The following CFAP157 variants were observed in gnomAD, a reference collection of about 807,000 sequenced individuals.
CFAP157 encodes cilia- and flagella-associated protein 157.
A neutral mutation model predicts 57.8 loss-of-function variants in CFAP157; 43 were observed. The ratio of observed to expected loss-of-function variants is 0.74; its 90% confidence interval spans 0.58 to 0.96. CFAP157 has a LOEUF of 0.96. Ranked by LOEUF, CFAP157 falls within the 40% of genes least tolerant of loss-of-function variation. The pLI is 0.00. For synonymous variants in CFAP157, 267 were observed against 269.0 expected (o/e 0.99, Z 0.07); for missense variants, 606 against 655.3 (o/e 0.92, Z 0.82).
chr9:127,712,187 G>A lies in CFAP157; in HGVS notation c.987-12G>A, dbSNP rs1206724096. 3 of 1,613,618 alleles carry A rather than the reference G, an allele frequency of 1.9e-6. No homozygotes were observed. In the African/African-American group the frequency reaches 4.0e-5, roughly 22 times the overall value. On this transcript the variant is annotated splice_polypyrimidine_tract_variant and intron_variant, in intron 5 of 8. Transcript: ENST00000373295. ...GGGGGAAGGCTGTTGACTCATCCCA[G>A]TTGGGGTCCAGGAGCCAGAGAGACC...
At chr9:127,707,235 A>G (rs1168258939) in intron 1 of CFAP157, 43 bp downstream of exon 1, 2 of 1,594,830 alleles carry the variant, frequency 1.3e-6, no homozygotes, top group Admixed American at 3.4e-5. Flanking sequence ...CTGGGTCAGA[A>G]GCCCATGCCC....
rs79537388 is a variant in CFAP157, at chr9:127,713,033, C to T, written c.1318C>T (p.Gln440Ter). The part of the protein sequence containing the change: ...GPPKESRPSI[Q>*]LPRTGSLLPQ... ...CCCTCCCCACAGCCGGCCCAGCATC[C>T]AGCTGCCCAGGACTGGGTCTCTGCT... Residue 440 changes from glutamine to a stop codon, truncating the protein, a stop_gained, in exon 8 of 9, where the codon CAG becomes TAG. Coordinates refer to ENST00000373295, the MANE Select transcript of CFAP157 (RefSeq NM_001012502.3). LOFTEE classifies it high-confidence loss of function. 1,274 of 1,613,446 alleles carry T rather than the reference C, an allele frequency of 7.9e-4. 6 individuals carry two copies. The African/African-American group carries it at 0.014, about 18-fold the overall frequency.
chr9:127,715,649 A>AG lies in CFAP157; in HGVS notation c.*1744_*1745insG. On this transcript the variant is annotated 3_prime_UTR_variant, in exon 9 of 9. Transcript: ENST00000373295. This position sits in a 1 kb window ranked among gnomAD's most constrained non-coding sequence, Gnocchi z 5.8. ...AGCCGCCCGGCCTCATGCTGCCCCC[A>AG]TTCACTCCGACACCGCCCCCTGACG... is the stretch of plus-strand genomic sequence containing the variant. 2 of 1,609,986 alleles carry AG rather than the reference A, an allele frequency of 1.2e-6. No individual in the cohort carries two copies. Among genetic ancestry groups the AG allele is most frequent in the Non-Finnish European group, 1.7e-6 (2 of 1,179,380 alleles).
intron 3 of CFAP157, 73 bp downstream of exon 3, chr9:127,710,827 G>A: frequency 2.7e-6 from 4 of 1,503,990 alleles, no homozygotes; most frequent in Non-Finnish European, 3.6e-6. Context: ...TAGTCTTCAG[G>A]CCTCAGCTTC....
chr9:127,712,386 G>T (rs756556736), intron 6 of CFAP157, 37 bp downstream of exon 6: 56 of 1,609,542 alleles, frequency 3.5e-5, no homozygotes, highest in Non-Finnish European at 4.8e-5. Context: ...GCAAGGGGAG[G>T]GGGAGTGAGC....
Position 127,714,101 on chromosome 9 carries a change from C to A in CFAP157, c.*196C>A. ...GGCAGGCAGCCATGGCCACTAGTGT[C>A]ACGGCCCCAGTGAGGGCCCCTGGCT... On this transcript the variant is annotated 3_prime_UTR_variant, in exon 9 of 9. Coordinates refer to ENST00000373295, the MANE Select transcript of CFAP157 (RefSeq NM_001012502.3). The A allele has an allele frequency of 6.2e-7, 1 of 1,612,088 alleles. No homozygotes were observed. The highest frequency in any genetic ancestry group is 1.1e-5 in the South Asian group (1 of 90,836).
intron 5 of CFAP157, 110 bp from the exon 6 acceptor site, chr9:127,712,089 G>C: frequency 1.3e-6 from 2 of 1,514,628 alleles, no homozygotes; most frequent in South Asian, 2.5e-5. Flanking sequence ...GGCTTGGGGC[G>C]GGATGGGGGC....
chr9:127,710,197 C>T (rs962453048), intron 2 of CFAP157, among the ~76,000 whole-genome samples: 1 of 151,596 alleles, frequency 6.6e-6, no homozygotes, highest in Admixed American at 6.6e-5. Context: ...ATCTCTTGAG[C>T]CTGGGAGGCT....
chr9:127,712,537 CT>C, intron 6 of CFAP157, 171 bp from the exon 7 acceptor site: 1 of 1,510,054 alleles, frequency 6.6e-7, no homozygotes, highest in Non-Finnish European at 8.9e-7. Flanking sequence ...AGCTGGATTC[CT>C]TCTCTGAGGC....
intron 1 of CFAP157, among the ~76,000 whole-genome samples, 164 bp downstream of exon 1, chr9:127,707,356 T>A (rs1362495901): frequency 6.6e-6 from 1 of 152,328 alleles, no homozygotes. Context: ...TACGTACCTT[T>A]GGGAGGTTTC....
Position 127,715,402 on chromosome 9 carries a change from A to T in CFAP157, c.*1497A>T. 3 of 1,345,110 alleles carry T rather than the reference A, an allele frequency of 2.2e-6. No individual in the cohort carries two copies. The highest frequency in any genetic ancestry group is 3.1e-6 in the Non-Finnish European group (3 of 967,578). The allele number at this position is 1,345,110 out of a possible 1,614,324, so 83.3% of individuals were successfully genotyped here. A position where few individuals can be genotyped will look rare whatever the true frequency, so the allele number is the denominator to read the frequency against. ...GCCCTAGTGCAGGAACGGAGCTTCA[A>T]GAAGTTTGGAGCCCGTCGAGCACTG... On this transcript the variant is annotated 3_prime_UTR_variant, in exon 9 of 9. Coordinates refer to ENST00000373295, the MANE Select transcript of CFAP157 (RefSeq NM_001012502.3). The surrounding 1 kb of genome is among the most constrained non-coding windows in gnomAD (Gnocchi z 5.8).
intron 7 of CFAP157, 72 bp downstream of exon 7, chr9:127,712,947 C>A: frequency 6.3e-7 from 1 of 1,589,794 alleles, no homozygotes; most frequent in Admixed American, 1.8e-5. Flanking sequence ...GCCATGGGGA[C>A]AGTGCTCGGC....
chr9:127,711,809 C>T lies in CFAP157; in HGVS notation c.856-11C>T, dbSNP rs1008619169. 8 of 1,555,270 alleles carry T rather than the reference C, an allele frequency of 5.1e-6. No homozygotes were observed. Among genetic ancestry groups the T allele is most frequent in the Admixed American group, 2.0e-5 (1 of 51,234 alleles). ...CAGGCTGAGGGCATGGCCACCTGTC[C>T]GCACCCGCAGATCATCCTCATGCTG... On this transcript the variant is annotated splice_polypyrimidine_tract_variant and intron_variant, in intron 4 of 8. Transcript: ENST00000373295.
intron 1 of CFAP157, among the ~76,000 whole-genome samples, chr9:127,707,462 C>G (rs749582882): frequency 1.2e-4 from 18 of 152,136 alleles, no homozygotes; most frequent in Non-Finnish European, 2.1e-4. Context: ...GCAATCCCCA[C>G]GTCCCCCTGC....
In CFAP157 at chr9:127,714,093, A is replaced by C. The variant is rs372888029; in HGVS notation, c.*188A>C. ...TACAGTCAGGCAGGCAGCCATGGCC[A>C]CTAGTGTCACGGCCCCAGTGAGGGC... On this transcript the variant is annotated 3_prime_UTR_variant, in exon 9 of 9. Transcript: ENST00000373295. 1.4e-5 allele frequency: 23 copies of C among 1,611,128 alleles called. No individual in the cohort carries two copies. In the South Asian group the frequency reaches 1.7e-4, roughly 12 times the overall value.
chr9:127,708,081 C>T (rs985281388), intron 1 of CFAP157, among the ~76,000 whole-genome samples: 4 of 152,188 alleles, frequency 2.6e-5, no homozygotes, highest in Non-Finnish European at 5.9e-5. Context: ...GAGCCCTGGC[C>T]TCCTGACTCC....
Position 127,714,640 on chromosome 9 carries a change from G to A in CFAP157, c.*735G>A. 1 of 1,613,994 alleles carries A rather than the reference G, an allele frequency of 6.2e-7. No homozygotes were observed. Among genetic ancestry groups the A allele is most frequent in the South Asian group, 1.1e-5 (1 of 91,064 alleles). ...CCCAGCTTCAGAGCCAGTCTCCCCA[G>A]GGGCTTGTCCAGCTCATCATGCACC... On this transcript the variant is annotated 3_prime_UTR_variant, in exon 9 of 9. Transcript: ENST00000373295.
At position 127,712,834 on chromosome 9, in the gene CFAP157, TC is replaced by T; in HGVS notation, c.1267del (p.His423ThrfsTer40). The stretch of plus-strand genomic sequence containing the variant: ...CCACGAGACCTCAGAAGGCTGCGTG[TC>T]CCCACCAGGAGTCACAGTCCCATGG... ...VATRPQKAAC[P>X]HQESQSHGPP... On this transcript the variant is annotated frameshift_variant, in exon 7 of 9. Transcript: ENST00000373295. LOFTEE classifies it high-confidence loss of function. 6.2e-7 allele frequency: 1 copy of T among 1,613,602 alleles called. No individual in the cohort carries two copies. The highest frequency in any genetic ancestry group is 2.2e-5 in the East Asian group (1 of 44,876).
Position 127,715,849 on chromosome 9 carries a change from G to A in CFAP157, c.*1944G>A. On this transcript the variant is annotated 3_prime_UTR_variant, in exon 9 of 9. Coordinates refer to ENST00000373295, the MANE Select transcript of CFAP157 (RefSeq NM_001012502.3). This position sits in a 1 kb window ranked among gnomAD's most constrained non-coding sequence, Gnocchi z 5.8. ...GCGCGGCGTCACAGTGTCCCTTCGG[G>A]ACTTGTGTGGGACGCTCGGAGCTCT... The A allele has an allele frequency of 3.0e-6, 3 of 984,988 alleles. No individual in the cohort carries two copies. The highest frequency in any genetic ancestry group is 2.5e-4 in the Middle Eastern group (1 of 4,080). The allele number at this position is 984,988 out of a possible 1,614,324, so 61.0% of individuals were successfully genotyped here.
Sources: gnomAD v4.1 joint callset for allele counts (sites outside exome capture counted in the v4.1 genomes callset) on GRCh38, gnomAD v4.1.1 for gene constraint, Gnocchi (gnomAD v3.1) non-coding constraint, MANE v1.5 for transcripts, NCBI Gene and HGNC (gene_info 2026-07-23, HGNC 2026-07-21) for gene names.